The following POLD1 variants were observed in gnomAD, a reference collection of about 807,000 sequenced individuals.
POLD1 encodes the protein DNA polymerase delta catalytic subunit.
A neutral mutation model predicts 129.7 loss-of-function variants in POLD1; 79 were observed. That is an observed-to-expected ratio of 0.61 (90% CI 0.51 to 0.73). The LOEUF is 0.73. POLD1 is among the 30% of genes least tolerant of loss of function. The probability of loss-of-function intolerance (pLI) is 0.00; values close to 1 mark genes in which losing one functional copy is unlikely to be tolerated. For missense variants in POLD1, 1,338 were observed against 1,595.8 expected (o/e 0.84, Z 2.75); for synonymous variants, 714 against 683.3 (o/e 1.04, Z -0.70).
Position 50,402,751 on chromosome 19 carries a change from CG to C in POLD1, c.970+13del, listed in dbSNP as rs1568621603. 6.3e-7 allele frequency: 1 copy of C among 1,577,098 alleles called. No homozygotes were observed. Among genetic ancestry groups the C allele is most frequent in the Non-Finnish European group, 8.6e-7 (1 of 1,156,890 alleles). On this transcript the variant is annotated intron_variant, in intron 8 of 26. Coordinates refer to ENST00000440232, the MANE Select transcript of POLD1 (RefSeq NM_002691.4). Reference sequence around the variant, plus strand: ...TGCGCCGGCCGCAAAGGTCTGTCCCCGGGCCCGGGCTCCTGCCCGCCTCATT... The same window carrying C: ...TGCGCCGGCCGCAAAGGTCTGTCCCCGGCCCGGGCTCCTGCCCGCCTCATT...
In POLD1 at chr19:50,402,219, C is replaced by A. The variant is rs2122243369; in HGVS notation, c.604C>A (p.His202Asn). 1 of 1,584,694 alleles carries A rather than the reference C, an allele frequency of 6.3e-7. No homozygotes were observed. ...LCSRESMFGY[H>N]GHGPSPFLRI... ...TCCATCCACAGGCATGTTTGGGTAC[C>A]ACGGGCACGGCCCCTCCCCGTTCCT... The change falls in exon 6 of 27, where the codon CAC becomes AAC. Residue 202 changes from histidine to asparagine, a missense_variant. This residue lies in a region of POLD1 where 332 missense variants were observed against 315.7 expected (regional missense o/e 1.05). Transcript: ENST00000440232.
At position 50,409,106 on chromosome 19, in the gene POLD1, A is replaced by G. The variant is rs2122374908; in HGVS notation, c.1893-16A>G. On this transcript the variant is annotated splice_polypyrimidine_tract_variant and intron_variant, in intron 15 of 26. Transcript: ENST00000440232. This position sits in a 1 kb window ranked among gnomAD's most constrained non-coding sequence, Gnocchi z 5.8. ...AGGAGGGTGGCCGGCAGTCACCCCA[A>G]CATCTTCCAACCCAGCCTGACTGAG... 3 of 1,581,548 alleles carry G rather than the reference A, an allele frequency of 1.9e-6. No homozygotes were observed. Among genetic ancestry groups the G allele is most frequent in the Non-Finnish European group, 2.6e-6 (3 of 1,150,680 alleles).
At chr19:50,402,587 A>T (rs2122253979) in intron 7 of POLD1, 25 bp from the exon 8 acceptor site, 2 of 1,570,604 alleles carry the variant, frequency 1.3e-6, no homozygotes, top group Non-Finnish European at 1.7e-6. Flanking sequence ...CCCTGCTGCC[A>T]CCGCTGACCC....
chr19:50,410,079 C>T lies in POLD1; in HGVS notation c.2154+413C>T, dbSNP rs142037705. ...GGCGGGACTCACCCCTCTCAATAGG[C>T]GACGCTCACACAGAGGCCAAGGGAC... On this transcript the variant is annotated intron_variant, in intron 17 of 26. Coordinates refer to ENST00000440232, the MANE Select transcript of POLD1 (RefSeq NM_002691.4). 1.2e-3 allele frequency among the ~76,000 whole-genome samples: 185 copies of T among 152,274 alleles called. 1 individual carries two copies. In the East Asian group the frequency reaches 0.015, roughly 13 times the overall value.
chr19:50,392,144 C>T (rs954791228), intron 1 of POLD1, among the ~76,000 whole-genome samples: 2 of 152,200 alleles, frequency 1.3e-5, no homozygotes, highest in Non-Finnish European at 2.9e-5. Flanking sequence ...AGTCATGGCT[C>T]ACTGCAGCCT....
At position 50,402,478 on chromosome 19, in the gene POLD1, C is replaced by T. The variant is rs34269084; in HGVS notation, c.783C>T (p.Val261=). Residue 261 remains valine (V), a synonymous_variant, in exon 7 of 27, where the codon GTC becomes GTT. Transcript: ENST00000440232. ...EIRFMVDTDI[V]GCNWLELPAG... ...GGTTCATGGTGGACACGGACATCGT[C>T]GGCTGCAACTGGCTGGAGCTCCCAG... 836 of 1,612,368 alleles carry T rather than the reference C, an allele frequency of 5.2e-4. 1 individual carries two copies. The African/African-American group carries it at 9.5e-3, about 18-fold the overall frequency.
At chr19:50,415,868 C>A in intron 22 of POLD1, 42 bp downstream of exon 22, 2 of 1,331,022 alleles carry the variant, frequency 1.5e-6, no homozygotes, top group South Asian at 1.5e-5. Flanking sequence ...AGCCCCCTCG[C>A]TCTCACTTCT....
chr19:50,417,064 C>T lies in POLD1; in HGVS notation c.3087C>T (p.Cys1029=), dbSNP rs1060504360. The stretch of plus-strand genomic sequence containing the variant: ...CCACAGGAGCCGTGTGTGAGTTCTG[C>T]CAGCCCCGGGAGTCTGAGCTGTATC... ...LSHQGAVCEF[C]QPRESELYQK... Residue 1029 remains cysteine (C), a synonymous_variant, in exon 25 of 27, where the codon TGC becomes TGT. Transcript: ENST00000440232. 2 of 1,552,254 alleles carry T rather than the reference C, an allele frequency of 1.3e-6. No individual in the cohort carries two copies. The highest frequency in any genetic ancestry group is 1.7e-6 in the Non-Finnish European group (2 of 1,147,618).
rs779208942 is a variant in POLD1 at position 50,417,208 on chromosome 19, C to G, written c.3157C>G (p.Arg1053Gly). The change falls in exon 26 of 27, where the codon CGC (arginine) becomes GGC (glycine). Residue 1053 changes from arginine (R) to glycine (G), a missense_variant. Coordinates refer to ENST00000440232, the MANE Select transcript of POLD1 (RefSeq NM_002691.4). Reference sequence around the variant, plus strand: ...GAATGCCCTGGAGGAGCGCTTCTCGCGCCTCTGGACGCAGTGCCAGCGCTG... The same window carrying G: ...GAATGCCCTGGAGGAGCGCTTCTCGGGCCTCTGGACGCAGTGCCAGCGCTG... ...HLNALEERFS[R>G]LWTQCQRCQG... The G allele has an allele frequency of 3.1e-6, 5 of 1,606,094 alleles. No individual in the cohort carries two copies. Among genetic ancestry groups the G allele is most frequent in the Non-Finnish European group, 4.2e-6 (5 of 1,178,040 alleles).
Position 50,417,200 on chromosome 19 carries a change from G to A in POLD1, c.3149G>A (p.Arg1050His), listed in dbSNP as rs1060501824. 5 of 1,606,428 alleles carry A rather than the reference G, an allele frequency of 3.1e-6. No homozygotes were observed. Among genetic ancestry groups the A allele is most frequent in the African/African-American group, 1.3e-5 (1 of 74,824 alleles). The change falls in exon 26 of 27, where the codon CGC (arginine) becomes CAC (histidine). Residue 1050 changes from arginine to histidine, a missense_variant. This residue lies in a region of POLD1 where 286 missense variants were observed against 277.5 expected (regional missense o/e 1.03). Coordinates refer to ENST00000440232, the MANE Select transcript of POLD1 (RefSeq NM_002691.4). ...TCCCATCTGAATGCCCTGGAGGAGCGCTTCTCGCGCCTCTGGACGCAGTGC... is the reference window on the plus strand; with the variant it reads ...TCCCATCTGAATGCCCTGGAGGAGCACTTCTCGCGCCTCTGGACGCAGTGC... ...EVSHLNALEE[R>H]FSRLWTQCQR...
intron 20 of POLD1, 21 bp downstream of exon 20, chr19:50,415,011 C>G (rs760040436): frequency 1.3e-6 from 2 of 1,519,838 alleles, no homozygotes; most frequent in Non-Finnish European, 1.8e-6. Flanking sequence ...CCTCCTCCCT[C>G]AGACTCAGGG....
chr19:50,396,194 C>G (rs1300794992), intron 1 of POLD1, among the ~76,000 whole-genome samples: 7 of 150,286 alleles, frequency 4.7e-5, no homozygotes, highest in Non-Finnish European at 8.9e-5. Flanking sequence ...TCAAGTGATT[C>G]TCCTGCCTCG....
intron 1 of POLD1, among the ~76,000 whole-genome samples, chr19:50,385,731 G>C (rs2037946900): frequency 6.6e-6 from 1 of 152,018 alleles, no homozygotes; most frequent in Non-Finnish European, 1.5e-5. Flanking sequence ...GTTTCGCCGT[G>C]TTGGCCAGGC....
rs767807258 is a variant in POLD1, at chr19:50,416,598, C to T, written c.2954-12C>T. 6.4e-6 allele frequency: 10 copies of T among 1,553,800 alleles called. No individual in the cohort carries two copies. The highest frequency in any genetic ancestry group is 8.7e-6 in the Non-Finnish European group (10 of 1,152,542). On this transcript the variant is annotated splice_polypyrimidine_tract_variant and intron_variant, in intron 23 of 26. Coordinates refer to ENST00000440232, the MANE Select transcript of POLD1 (RefSeq NM_002691.4). Reference sequence around the variant, plus strand: ...GAGATCACCGGCCCACCACCTGCCTCCTCTCCTGCAGGGGGGGACCACACG... The same window carrying T: ...GAGATCACCGGCCCACCACCTGCCTTCTCTCCTGCAGGGGGGGACCACACG...
At position 50,416,392 on chromosome 19, in the gene POLD1, G is replaced by A. The variant is rs369042179; in HGVS notation, c.2821-4G>A. On this transcript the variant is annotated splice_region_variant and splice_polypyrimidine_tract_variant and intron_variant, in intron 22 of 26. Coordinates refer to ENST00000440232, the MANE Select transcript of POLD1 (RefSeq NM_002691.4). ...GCCCGGGTGTGACTGCCATGTGGCC[G>A]CAGGACCCGCTGTTCGTGCTGGAGC... 1.3e-5 allele frequency: 20 copies of A among 1,548,362 alleles called. No individual in the cohort carries two copies. Among genetic ancestry groups the A allele is most frequent in the African/African-American group, 2.7e-5 (2 of 72,998 alleles).
At chr19:50,417,305 C>G (rs2039344140) in intron 26 of POLD1, 36 bp downstream of exon 26, 1 of 1,441,780 alleles carries the variant, frequency 6.9e-7, no homozygotes, top group African/African-American at 1.4e-5. Context: ...CTGCCCCGCC[C>G]CTTCCCAGCT....
At chr19:50,395,599 A>T (rs894310320) in intron 1 of POLD1, among the ~76,000 whole-genome samples, 1 of 151,814 alleles carries the variant, frequency 6.6e-6, no homozygotes, top group Non-Finnish European at 1.5e-5. Context: ...AAAAAAAAAA[A>T]TAGTGTAAAG....
chr19:50,416,611 G>T lies in POLD1; in HGVS notation c.2955G>T (p.Arg985=), dbSNP rs770495723. Residue 985 remains arginine, a splice_region_variant and synonymous_variant, in exon 24 of 27, where the codon CGG becomes CGT. Coordinates refer to ENST00000440232, the MANE Select transcript of POLD1 (RefSeq NM_002691.4). The part of the protein sequence containing the change: ...GEGRAEAVLL[R]GDHTRCKTVL... ...CACCACCTGCCTCCTCTCCTGCAGG[G>T]GGGGACCACACGCGCTGCAAGACGG... is the stretch of plus-strand genomic sequence containing the variant. 8.5e-5 allele frequency: 133 copies of T among 1,560,452 alleles called. 1 individual carries two copies. In the Admixed American group the frequency reaches 2.5e-3, roughly 30 times the overall value.
Position 50,408,820 on chromosome 19 carries a change from C to A in POLD1, c.1811C>A (p.Ser604Tyr), listed in dbSNP as rs1060501807. 3.1e-6 allele frequency: 5 copies of A among 1,613,956 alleles called. No individual in the cohort carries two copies. In the Admixed American group the frequency reaches 5.0e-5, roughly 16 times the overall value. Residue 604 changes from serine (S) to tyrosine (Y), a missense_variant, in exon 15 of 27, where the codon TCC (serine) becomes TAC (tyrosine). Ser to Tyr is a moderately radical substitution (Grantham distance 144). This residue lies in a region of POLD1 where 720 missense variants were observed against 1,002.6 expected (regional missense o/e 0.72). Transcript: ENST00000440232. The part of the protein sequence containing the change: ...YDVPIATLDF[S>Y]SLYPSIMMAH... ...GTCCCCATCGCCACCCTGGACTTCT[C>A]CTCGCTGTACCCGTCCATCATGATG...
Sources: gnomAD v4.1 joint callset for allele counts (sites outside exome capture counted in the v4.1 genomes callset) on GRCh38, gnomAD v4.1.1 for gene constraint, gnomAD v4.1.1 regional missense constraint, Gnocchi (gnomAD v3.1) non-coding constraint, MANE v1.5 for transcripts, NCBI Gene and HGNC (gene_info 2026-07-23, HGNC 2026-07-21) for gene names.